The following ROBO2 variants were observed in gnomAD, a reference collection of about 807,000 sequenced individuals.
The protein encoded by ROBO2 is roundabout guidance receptor 2.
ROBO2 carries 53 observed loss-of-function variants against 160.8 expected under a neutral mutation model. The ratio of observed to expected loss-of-function variants is 0.33; its 90% CI spans 0.26 to 0.41. ROBO2 has a LOEUF of 0.41. Ranked by LOEUF, ROBO2 falls within the 10% of genes least tolerant of loss-of-function variation. The probability of loss-of-function intolerance (pLI) is 1.00; values close to 1 mark genes in which losing one functional copy is unlikely to be tolerated. For missense variants in ROBO2, 1,577 were observed against 1,722.4 expected (o/e 0.92, Z 1.49); for synonymous variants, 664 against 611.7 (o/e 1.09, Z -1.26).
intron 2 of ROBO2, among the ~76,000 whole-genome samples, chr3:77,221,574 A>G (rs1302479248): frequency 6.6e-6 from 1 of 152,054 alleles, no homozygotes; most frequent in African/African-American, 2.4e-5. Flanking sequence ...CTCTCCCTAG[A>G]TTGATCTTCT....
At chr3:77,229,516 C>T (rs1487624186) in intron 2 of ROBO2, among the ~76,000 whole-genome samples, 1 of 151,802 alleles carries the variant, frequency 6.6e-6, no homozygotes, top group Non-Finnish European at 1.5e-5. Flanking sequence ...AAAAATATAG[C>T]CAGGTGTGGT....
intron 2 of ROBO2, among the ~76,000 whole-genome samples, chr3:77,247,878 C>G (rs1355308933): frequency 2.6e-5 from 4 of 152,142 alleles, no homozygotes. Flanking sequence ...AGATCCTGGG[C>G]AGAAGACAGT....
intron 2 of ROBO2, among the ~76,000 whole-genome samples, chr3:77,438,276 G>A (rs769830606): frequency 6.6e-6 from 1 of 151,658 alleles, no homozygotes; most frequent in Non-Finnish European, 1.5e-5. Flanking sequence ...CCTCTGAGAG[G>A]GATGAGCAAA....
At chr3:77,173,145 A>T (rs2079799680) in intron 2 of ROBO2, among the ~76,000 whole-genome samples, 1 of 152,220 alleles carries the variant, frequency 6.6e-6, no homozygotes, top group Admixed American at 6.5e-5. Flanking sequence ...TTGGAAGGTA[A>T]GAACATTTTG....
chr3:76,690,740 T>C (rs1172833991), intron 2 of ROBO2, among the ~76,000 whole-genome samples: 1 of 152,126 alleles, frequency 6.6e-6, no homozygotes, highest in African/African-American at 2.4e-5. Context: ...CCCTAGTACC[T>C]TACTGGTTCC....
At chr3:77,385,365 A>G (rs2073990995) in intron 2 of ROBO2, among the ~76,000 whole-genome samples, 1 of 152,178 alleles carries the variant, frequency 6.6e-6, no homozygotes, top group Non-Finnish European at 1.5e-5. Context: ...TAAAATATTT[A>G]TTAGAGAATA....
chr3:77,628,914 C>G (rs2153711078), intron 23 of ROBO2, among the ~76,000 whole-genome samples: 1 of 152,306 alleles, frequency 6.6e-6, no homozygotes, highest in Admixed American at 6.5e-5. Context: ...TATCTAGTCT[C>G]TTTGCTCTTA....
In ROBO2 at chr3:77,033,293, A is replaced by G. The variant is rs561021939; in HGVS notation, c.110-64721A>G. On this transcript the variant is annotated intron_variant, in intron 2 of 26. Coordinates refer to the ROBO2 transcript ENST00000487694. ...AGTGGAAATGCTACTTCAGTGTTAG[A>G]TTAGAGAAGACTAATATTTTCCTGA... Among the ~76,000 whole-genome samples, 3 of 152,294 alleles carry G rather than the reference A, an allele frequency of 2.0e-5. No homozygotes were observed. The East Asian group carries it at 5.8e-4, about 29-fold the overall frequency.
At chr3:77,605,127 G>A (rs1235508349) in intron 20 of ROBO2, among the ~76,000 whole-genome samples, 1 of 148,934 alleles carries the variant, frequency 6.7e-6, no homozygotes, top group African/African-American at 2.5e-5. Flanking sequence ...TCGCACCACT[G>A]CACTCCAGCC....
intron 2 of ROBO2, among the ~76,000 whole-genome samples, chr3:77,413,993 A>T (rs2077009569): frequency 6.6e-6 from 1 of 152,120 alleles, no homozygotes; most frequent in Admixed American, 6.6e-5. Flanking sequence ...AAGTCTACAG[A>T]TGGAGTCTGT....
chr3:76,428,770 T>C (rs1289581307), intron 2 of ROBO2, among the ~76,000 whole-genome samples: 1 of 152,162 alleles, frequency 6.6e-6, no homozygotes, highest in Non-Finnish European at 1.5e-5. Flanking sequence ...TAATATTCTT[T>C]TGAGTTGAGC....
intron 2 of ROBO2, among the ~76,000 whole-genome samples, chr3:76,073,099 T>A (rs965875959): frequency 7.2e-5 from 11 of 151,824 alleles, no homozygotes; most frequent in African/African-American, 2.7e-4. Context: ...TAGTCTGATC[T>A]GCTTACTGCT....
intron 2 of ROBO2, among the ~76,000 whole-genome samples, chr3:76,781,423 G>C (rs2062637409): frequency 6.6e-6 from 1 of 150,540 alleles, no homozygotes; most frequent in African/African-American, 2.4e-5. Flanking sequence ...TAATTGTTCT[G>C]GCTAGAACTT....
At chr3:76,587,658 C>T (rs1047779893) in intron 2 of ROBO2, among the ~76,000 whole-genome samples, 4 of 152,174 alleles carry the variant, frequency 2.6e-5, no homozygotes, top group African/African-American at 9.7e-5. Flanking sequence ...ATAGGAACCA[C>T]AATTCAAGAT....
chr3:76,282,217 C>A (rs895878178), intron 2 of ROBO2, among the ~76,000 whole-genome samples: 6 of 151,970 alleles, frequency 3.9e-5, no homozygotes, highest in Admixed American at 2.0e-4. Flanking sequence ...CTCAAGAGTA[C>A]AGCCCTACCT....
intron 2 of ROBO2, among the ~76,000 whole-genome samples, chr3:76,000,691 C>G (rs940472031): frequency 6.6e-6 from 1 of 151,838 alleles, no homozygotes; most frequent in Non-Finnish European, 1.5e-5. Context: ...GGGGTTTCAC[C>G]GTGTTAGCCA....
intron 2 of ROBO2, among the ~76,000 whole-genome samples, chr3:77,233,431 C>G (rs529246800): frequency 1.3e-5 from 2 of 152,248 alleles, no homozygotes; most frequent in Non-Finnish European, 2.9e-5. Flanking sequence ...CTATTAGGCC[C>G]TGGTGACAGG....
At chr3:76,048,293 A>G (rs934084575) in intron 2 of ROBO2, among the ~76,000 whole-genome samples, 7 of 152,190 alleles carry the variant, frequency 4.6e-5, no homozygotes, top group Non-Finnish European at 8.8e-5. Flanking sequence ...TGATAGAGCA[A>G]TTCTGATTGA....
At chr3:77,030,850 A>G (rs1265934333) in intron 2 of ROBO2, among the ~76,000 whole-genome samples, 5 of 152,242 alleles carry the variant, frequency 3.3e-5, no homozygotes, top group African/African-American at 1.2e-4. Context: ...TTTTGAAATA[A>G]CATTCCATTC....
Sources: gnomAD v4.1 joint callset for allele counts (sites outside exome capture counted in the v4.1 genomes callset) on GRCh38, gnomAD v4.1.1 for gene constraint, MANE v1.5 for transcripts, NCBI Gene and HGNC (gene_info 2026-07-23, HGNC 2026-07-21) for gene names.